Variants in ALPK1 observed in about 807,000 individuals in gnomAD.
The protein encoded by ALPK1 is alpha-protein kinase 1.
Under a neutral mutation model 120.6 loss-of-function variants are expected in ALPK1, and 110 were observed. The ratio of observed to expected loss-of-function variants is 0.91; its 90% confidence interval spans 0.78 to 1.07. ALPK1 has a LOEUF of 1.07. Among genes scored for constraint, ALPK1 ranks in the 50% least tolerant of loss-of-function variants. ALPK1 has a pLI of 0.00. For missense variants in ALPK1, 1,498 were observed against 1,483.9 expected, an observed-to-expected ratio of 1.01 and a Z score of -0.16; for synonymous variants, 582 against 560.3, an observed-to-expected ratio of 1.04 and a Z score of -0.55.
chr4:112,385,972 A>G (rs1001793156), intron 4 of ALPK1, among the ~76,000 whole-genome samples: 1 of 152,226 alleles, frequency 6.6e-6, no homozygotes, highest in Non-Finnish European at 1.5e-5. Flanking sequence ...TTGTACTCAG[A>G]GCATAAACAC....
intron 4 of ALPK1, among the ~76,000 whole-genome samples, chr4:112,392,352 A>G (rs746544085): frequency 1.4e-4 from 22 of 152,068 alleles, no homozygotes; most frequent in Non-Finnish European, 2.9e-4. Flanking sequence ...CCCAACCCTC[A>G]TATCTCATTT....
chr4:112,429,247 A>G lies in ALPK1; in HGVS notation c.894A>G (p.Thr298=), dbSNP rs746471236. 6.2e-7 allele frequency: 1 copy of G among 1,611,350 alleles called. No individual in the cohort carries two copies. The highest frequency in any genetic ancestry group is 1.1e-5 in the South Asian group (1 of 90,944). The change falls in exon 10 of 16, where the codon ACA becomes ACG. Residue 298 remains threonine (T), a synonymous_variant. Coordinates refer to ENST00000650871, the MANE Select transcript of ALPK1 (RefSeq NM_025144.4). ...CCTATACGCCGCTCTTCGTGCTCAC[A>G]GCTGTGGTAAACGAATGCAGCCGCT... ...FSAYTPLFVL[T]AVNIRGTCLL...
At chr4:112,310,863 A>G (rs905509314) in intron 1 of ALPK1, among the ~76,000 whole-genome samples, 2 of 152,170 alleles carry the variant, frequency 1.3e-5, no homozygotes, top group Non-Finnish European at 2.9e-5. Flanking sequence ...CTACTGTAGC[A>G]GACCAGGCTG....
At position 112,438,611 on chromosome 4, in the gene ALPK1, A is replaced by T; in HGVS notation, c.3316A>T (p.Thr1106Ser). 6.2e-7 allele frequency: 1 copy of T among 1,613,828 alleles called. No homozygotes were observed. Among genetic ancestry groups the T allele is most frequent in the East Asian group, 2.2e-5 (1 of 44,876 alleles). ...GAGACTCTATGAACAAAACATTCCC[A>T]CCCAGATATTCTACATCCCATCCAC... is the stretch of plus-strand genomic sequence containing the variant. Reference protein sequence around the residue: ...NKRLYEQNIPTQIFYIPSTIL... With the variant: ...NKRLYEQNIPSQIFYIPSTIL... Residue 1106 changes from threonine to serine, a missense_variant, in exon 13 of 16, where the codon ACC (threonine) becomes TCC (serine). Coordinates refer to ENST00000650871, the MANE Select transcript of ALPK1 (RefSeq NM_025144.4).
At chr4:112,367,826 T>C (rs900624644) in intron 2 of ALPK1, among the ~76,000 whole-genome samples, 1 of 152,220 alleles carries the variant, frequency 6.6e-6, no homozygotes, top group Non-Finnish European at 1.5e-5. Context: ...TTTCTCTGCC[T>C]TTTTTCTGTT....
intron 1 of ALPK1, among the ~76,000 whole-genome samples, chr4:112,313,257 A>G (rs981501234): frequency 6.6e-6 from 1 of 152,250 alleles, no homozygotes; most frequent in Non-Finnish European, 1.5e-5. Flanking sequence ...GAGCCTTTGC[A>G]TACTCCAACA....
At chr4:112,428,304 A>G (rs976665045) in intron 9 of ALPK1, among the ~76,000 whole-genome samples, 4 of 152,222 alleles carry the variant, frequency 2.6e-5, no homozygotes, top group African/African-American at 9.6e-5. Context: ...AGAAGTGACA[A>G]GGATGTTCTG....
At chr4:112,337,041 A>T (rs1030176244) in intron 2 of ALPK1, among the ~76,000 whole-genome samples, 2 of 152,274 alleles carry the variant, frequency 1.3e-5, no homozygotes, top group South Asian at 4.1e-4. Context: ...TTATACTTCT[A>T]AAGTCTTAAT....
chr4:112,356,439 A>G, intron 2 of ALPK1: 4 of 940,276 alleles, frequency 4.3e-6, no homozygotes, highest in South Asian at 1.3e-5. Flanking sequence ...AGCTTGCTAC[A>G]CGGACATCCC....
In ALPK1 at chr4:112,432,332, G is replaced by A; in HGVS notation, c.2785G>A (p.Val929Met). The A allele has an allele frequency of 6.2e-7, 1 of 1,614,232 alleles. No individual in the cohort carries two copies. Residue 929 changes from valine to methionine, a missense_variant, in exon 11 of 16, where the codon GTG becomes ATG. Transcript: ENST00000650871. ...CAGCCAGAACTCCAGCTCATCCTCA[G>A]TGTGGTGGCTGAAATCACCTGCATT... is the stretch of plus-strand genomic sequence containing the variant. ...NCSQNSSSSS[V>M]WWLKSPAFSS...
rs1019909455 is a variant in ALPK1 at position 112,371,184 on chromosome 4, C to A, written c.-100-6494C>A. ...TGGTCGAAAGTCCTGATACTTTCCA[C>A]GTGAATTTTTGCAATTATACCTAAC... On this transcript the variant is annotated intron_variant, in intron 2 of 15. Coordinates refer to ENST00000650871, the MANE Select transcript of ALPK1 (RefSeq NM_025144.4). Among the ~76,000 whole-genome samples the A allele has an allele frequency of 3.9e-5, 6 of 152,304 alleles. No individual in the cohort carries two copies. The East Asian group carries it at 7.7e-4, about 20-fold the overall frequency.
At chr4:112,428,558 T>G (rs1252554470) in intron 9 of ALPK1, among the ~76,000 whole-genome samples, 1 of 152,166 alleles carries the variant, frequency 6.6e-6, no homozygotes, top group African/African-American at 2.4e-5. Context: ...TGATGACCGT[T>G]TAAAATTGCA....
chr4:112,385,223 C>T (rs976886019), intron 4 of ALPK1, among the ~76,000 whole-genome samples: 1 of 152,158 alleles, frequency 6.6e-6, no homozygotes, highest in East Asian at 1.9e-4. Flanking sequence ...ACATCAGTCC[C>T]GCTGCACTGG....
intron 2 of ALPK1, among the ~76,000 whole-genome samples, chr4:112,336,791 G>T (rs1729639119): frequency 6.6e-6 from 1 of 152,032 alleles, no homozygotes. Context: ...TTTTCTATTA[G>T]CTATATAATC....
intron 2 of ALPK1, chr4:112,357,116 G>A (rs978336888): frequency 7.3e-6 from 9 of 1,228,614 alleles, no homozygotes; most frequent in Admixed American, 1.9e-5. Flanking sequence ...AGGGGCCATC[G>A]ATGCTGTTGA....
intron 2 of ALPK1, among the ~76,000 whole-genome samples, chr4:112,375,652 T>A (rs1731623302): frequency 6.6e-6 from 1 of 152,152 alleles, no homozygotes; most frequent in South Asian, 2.1e-4. Context: ...TAATTCTCTA[T>A]CCATTAAAAT....
intron 2 of ALPK1, among the ~76,000 whole-genome samples, chr4:112,367,891 G>A (rs778134718): frequency 9.9e-5 from 15 of 152,018 alleles, no homozygotes; most frequent in Non-Finnish European, 1.9e-4. Flanking sequence ...TCTATCTTCA[G>A]CTAGAGCTAA....
intron 3 of ALPK1, among the ~76,000 whole-genome samples, chr4:112,380,368 A>G (rs1478336392): frequency 6.6e-6 from 1 of 152,324 alleles, no homozygotes; most frequent in East Asian, 1.9e-4. Context: ...ACTATCAGTC[A>G]CACAGTAGAT....
chr4:112,338,489 T>G (rs1014988501), intron 2 of ALPK1, among the ~76,000 whole-genome samples: 1 of 152,148 alleles, frequency 6.6e-6, no homozygotes, highest in African/African-American at 2.4e-5. Context: ...TTTACCTTGT[T>G]TAAATTAGAA....
Sources: allele counts gnomAD v4.1 joint callset (sites outside exome capture counted in the v4.1 genomes callset), GRCh38; gene constraint gnomAD v4.1.1; transcripts MANE v1.5; gene names NCBI Gene and HGNC (gene_info 2026-07-23, HGNC 2026-07-21).